Variants in NSUN6 observed in about 807,000 individuals in gnomAD.
NSUN6 encodes the protein NOP2/Sun RNA methyltransferase 6, also known as tRNA (cytosine(72)-C(5))-methyltransferase NSUN6.
In NSUN6, 64 loss-of-function variants were observed where a neutral mutation model predicts 58.0. The ratio of observed to expected loss-of-function variants is 1.10; its 90% CI spans 0.90 to 1.36. The LOEUF (loss-of-function observed/expected upper bound fraction) is 1.36. NSUN6 is among the 40% of genes most tolerant of loss of function. The pLI is 0.00. For missense variants in NSUN6, 701 were observed against 550.1 expected, an observed-to-expected ratio of 1.27 and a Z score of -2.74; for synonymous variants, 231 against 193.9, an observed-to-expected ratio of 1.19 and a Z score of -1.59.
chr10:18,653,185 A>G (rs1340640966), upstream of NSUN6: 1 of 984,736 alleles, frequency 1.0e-6, no homozygotes, highest in Non-Finnish European at 1.2e-6. Context: ...AAACTCCACA[A>G]GGATAGAGAC....
chr10:18,642,011 G>A (rs2059404814), intron 3 of NSUN6, among the ~76,000 whole-genome samples: 1 of 152,186 alleles, frequency 6.6e-6, no homozygotes, highest in African/African-American at 2.4e-5. Context: ...AGCCTGCAAT[G>A]AGCTATGCTT....
chr10:18,654,530 G>T (rs181714676), upstream of NSUN6: 2 of 152,278 alleles, frequency 1.3e-5, no homozygotes, highest in African/African-American at 4.8e-5. Flanking sequence ...CAGTACAGCA[G>T]CTCCAGTCTA....
At chr10:18,618,555 G>A (rs1725692029) in intron 3 of NSUN6, among the ~76,000 whole-genome samples, 1 of 151,844 alleles carries the variant, frequency 6.6e-6, no homozygotes, top group South Asian at 2.1e-4. Context: ...GGTGGCGCAT[G>A]CCTGTAATCC....
intron 8 of NSUN6, among the ~76,000 whole-genome samples, chr10:18,577,377 T>C (rs1445463818): frequency 6.6e-6 from 1 of 152,126 alleles, no homozygotes; most frequent in Non-Finnish European, 1.5e-5. Flanking sequence ...AGAAAAGTGG[T>C]TCGGTAAATG....
intron 3 of NSUN6, among the ~76,000 whole-genome samples, chr10:18,617,140 T>C (rs1482824223): frequency 6.6e-6 from 1 of 151,480 alleles, no homozygotes; most frequent in Admixed American, 6.6e-5. Context: ...ATTTCAATAA[T>C]CACTCACAAA....
At chr10:18,596,000 A>T (rs943532163) in intron 7 of NSUN6, among the ~76,000 whole-genome samples, 2 of 152,212 alleles carry the variant, frequency 1.3e-5, no homozygotes, top group Admixed American at 6.5e-5. Context: ...ATATAAGCAA[A>T]TTGTAAAATT....
intron 8 of NSUN6, among the ~76,000 whole-genome samples, chr10:18,584,664 T>C (rs1337047068): frequency 6.6e-6 from 1 of 152,112 alleles, no homozygotes; most frequent in East Asian, 1.9e-4. Context: ...AAAAGCAATG[T>C]ACACATCCAA....
chr10:18,651,026 C>A (rs2131610774), intron 1 of NSUN6, 103 bp downstream of exon 1: 2 of 1,389,470 alleles, frequency 1.4e-6, no homozygotes, highest in Non-Finnish European at 1.9e-6. Flanking sequence ...TAGTAAGGAA[C>A]GACGGCTGTC....
At chr10:18,653,723 G>A (rs1354453324), upstream of NSUN6, among the ~76,000 whole-genome samples, 2 of 152,134 alleles carry the variant, frequency 1.3e-5, no homozygotes, top group Non-Finnish European at 2.9e-5. Flanking sequence ...TAATGTTGAC[G>A]AAGATATCTC....
chr10:18,602,693 G>A (rs542015202), intron 6 of NSUN6, among the ~76,000 whole-genome samples: 60 of 152,166 alleles, frequency 3.9e-4, no homozygotes, highest in Non-Finnish European at 6.3e-4. Context: ...GCATACTCAC[G>A]GGGCAGCCTG....
intron 8 of NSUN6, among the ~76,000 whole-genome samples, chr10:18,558,311 G>C (rs1181865701): frequency 6.6e-6 from 1 of 150,612 alleles, no homozygotes. Context: ...GAATGGAATG[G>C]AATGGAGAAC....
At chr10:18,579,515 T>G (rs1037487159) in intron 8 of NSUN6, among the ~76,000 whole-genome samples, 3 of 152,184 alleles carry the variant, frequency 2.0e-5, no homozygotes, top group African/African-American at 7.2e-5. Context: ...TATATAGTCC[T>G]GTGTGAATGC....
chr10:18,596,493 C>G (rs949426011), intron 6 of NSUN6, among the ~76,000 whole-genome samples, 166 bp from the exon 7 acceptor site: 1 of 152,090 alleles, frequency 6.6e-6, no homozygotes, highest in Non-Finnish European at 1.5e-5. Context: ...TCACAATTTC[C>G]TAGAATATCC....
intron 7 of NSUN6, among the ~76,000 whole-genome samples, chr10:18,591,343 A>C (rs1483765089): frequency 6.6e-6 from 1 of 152,198 alleles, no homozygotes; most frequent in Non-Finnish European, 1.5e-5. Flanking sequence ...AAATGATTCC[A>C]AACAATAGAA....
chr10:18,623,571 T>A (rs1175620349), intron 3 of NSUN6, among the ~76,000 whole-genome samples: 1 of 152,124 alleles, frequency 6.6e-6, no homozygotes, highest in Non-Finnish European at 1.5e-5. Flanking sequence ...GAAATCAGAA[T>A]CTAGGAATGT....
At chr10:18,585,920 T>G in intron 8 of NSUN6, 29 bp downstream of exon 8, 1 of 1,542,384 alleles carries the variant, frequency 6.5e-7, no homozygotes, top group Middle Eastern at 1.7e-4. Flanking sequence ...GATCTGTCAA[T>G]TAAAAATAAG....
chr10:18,612,438 G>C (rs1353067815), intron 5 of NSUN6, among the ~76,000 whole-genome samples: 1 of 152,120 alleles, frequency 6.6e-6, no homozygotes, highest in Non-Finnish European at 1.5e-5. Context: ...AGCAAAGTCA[G>C]TCCTTTGTTG....
chr10:18,557,927 A>AGG (rs1374847962), intron 8 of NSUN6, among the ~76,000 whole-genome samples: 1 of 151,358 alleles, frequency 6.6e-6, no homozygotes, highest in Middle Eastern at 3.2e-3. Flanking sequence ...GTGGAATGGA[A>AGG]GGGAAAATGG....
intron 4 of NSUN6, 113 bp downstream of exon 4, chr10:18,616,071 C>A (rs1422984978): frequency 4.7e-6 from 3 of 638,890 alleles, no homozygotes; most frequent in Non-Finnish European, 8.2e-6. Context: ...TGGAAAAATA[C>A]CCGACCAAGA....
Sources: allele counts gnomAD v4.1 joint callset (sites outside exome capture counted in the v4.1 genomes callset), GRCh38; gene constraint gnomAD v4.1.1; transcripts MANE v1.5; gene names NCBI Gene and HGNC (gene_info 2026-07-23, HGNC 2026-07-21).